Variants in CNTN5 observed in about 807,000 individuals in gnomAD.
CNTN5 encodes the protein contactin 5.
A neutral mutation model predicts 129.1 loss-of-function variants in CNTN5; 77 were observed. The observed-to-expected ratio is 0.60, with a 90% CI of 0.50 to 0.72. CNTN5 has a LOEUF of 0.72. CNTN5 is among the 30% of genes least tolerant of loss of function. CNTN5 has a pLI of 0.00. For synonymous variants in CNTN5, 509 were observed against 465.6 expected (o/e 1.09, Z -1.20); for missense variants, 1,478 against 1,328.8 (o/e 1.11, Z -1.75).
intron 13 of CNTN5, among the ~76,000 whole-genome samples, chr11:100,106,894 C>G: frequency 6.6e-6 from 1 of 152,068 alleles, no homozygotes. Flanking sequence ...TTTAGAAGCA[C>G]CTGGTATTCA....
chr11:99,305,616 T>C (rs559858829), intron 1 of CNTN5, among the ~76,000 whole-genome samples: 7 of 152,230 alleles, frequency 4.6e-5, no homozygotes, highest in African/African-American at 1.7e-4. Context: ...GCAATGTTAG[T>C]GCTAGTCAGA....
At chr11:99,130,769 C>G (rs576969072) in intron 1 of CNTN5, among the ~76,000 whole-genome samples, 1 of 152,140 alleles carries the variant, frequency 6.6e-6, no homozygotes, top group Non-Finnish European at 1.5e-5. Context: ...GTCCATCAGA[C>G]CACAGCACAA....
intron 9 of CNTN5, among the ~76,000 whole-genome samples, chr11:100,030,515 A>G (rs987317794): frequency 6.6e-6 from 1 of 152,232 alleles, no homozygotes; most frequent in Non-Finnish European, 1.5e-5. Flanking sequence ...GCTGTGCCAT[A>G]GATATGCACA....
chr11:100,026,888 A>G (rs1005770620), intron 9 of CNTN5, among the ~76,000 whole-genome samples: 3 of 152,082 alleles, frequency 2.0e-5, no homozygotes, highest in African/African-American at 7.2e-5. Context: ...AATGAAGTCC[A>G]ACATATCAAT....
At chr11:100,233,953 A>G in intron 16 of CNTN5, among the ~76,000 whole-genome samples, 1 of 152,106 alleles carries the variant, frequency 6.6e-6, no homozygotes, top group Non-Finnish European at 1.5e-5. Flanking sequence ...AAACAAATTT[A>G]CAAGAAAAAA....
chr11:100,007,625 A>T (rs1055914335), intron 9 of CNTN5, among the ~76,000 whole-genome samples: 54 of 152,152 alleles, frequency 3.5e-4, no homozygotes, highest in African/African-American at 1.2e-3. Context: ...AATTGAAGAC[A>T]TTTAGGGCCT....
At chr11:99,692,205 C>T (rs1285985891) in intron 3 of CNTN5, among the ~76,000 whole-genome samples, 1 of 152,118 alleles carries the variant, frequency 6.6e-6, no homozygotes. Context: ...ACGTGCCACT[C>T]TGTGTCTTTT....
chr11:99,106,246 T>C (rs1194507747), intron 1 of CNTN5, among the ~76,000 whole-genome samples: 1 of 151,980 alleles, frequency 6.6e-6, no homozygotes, highest in African/African-American at 2.4e-5. Context: ...ATGGGAAATA[T>C]GCAGAAAAAT....
At chr11:99,669,394 A>G (rs926906966) in intron 3 of CNTN5, among the ~76,000 whole-genome samples, 5 of 151,960 alleles carry the variant, frequency 3.3e-5, no homozygotes, top group African/African-American at 1.2e-4. Context: ...CTAAATAGGA[A>G]AGCCTAGATG....
intron 2 of CNTN5, among the ~76,000 whole-genome samples, chr11:99,397,062 C>T (rs1941563703): frequency 6.6e-6 from 1 of 151,730 alleles, no homozygotes; most frequent in Admixed American, 6.6e-5. Flanking sequence ...AACATTTAAC[C>T]TCAGAACTCT....
chr11:99,223,065 G>A (rs1860482968), intron 1 of CNTN5, among the ~76,000 whole-genome samples: 1 of 152,122 alleles, frequency 6.6e-6, no homozygotes, highest in African/African-American at 2.4e-5. Context: ...GAATCTACTA[G>A]CAAATCAGAT....
At chr11:99,887,245 A>C (rs182019603) in intron 6 of CNTN5, among the ~76,000 whole-genome samples, 5 of 152,312 alleles carry the variant, frequency 3.3e-5, no homozygotes, top group Admixed American at 3.3e-4. Flanking sequence ...CGTGGTTTTG[A>C]CCAATGATGT....
At chr11:99,455,618 A>C (rs952872784) in intron 2 of CNTN5, among the ~76,000 whole-genome samples, 1 of 152,120 alleles carries the variant, frequency 6.6e-6, no homozygotes, top group African/African-American at 2.4e-5. Flanking sequence ...AGGCCACCAA[A>C]TTCAATACTG....
At chr11:99,830,633 A>T (rs752677850) in intron 4 of CNTN5, among the ~76,000 whole-genome samples, 4 of 152,208 alleles carry the variant, frequency 2.6e-5, no homozygotes, top group Non-Finnish European at 5.9e-5. Flanking sequence ...TCTAAATAAA[A>T]TACATCATGT....
intron 3 of CNTN5, among the ~76,000 whole-genome samples, chr11:99,596,754 T>A (rs1950138906): frequency 6.6e-6 from 1 of 152,160 alleles, no homozygotes. Context: ...TGAAGTTGAA[T>A]GAAATATAAA....
At chr11:99,970,437 GTTTAA>G (rs373747101) in intron 8 of CNTN5, among the ~76,000 whole-genome samples, 5 of 152,280 alleles carry the variant, frequency 3.3e-5, no homozygotes, top group Non-Finnish European at 7.4e-5. Context: ...ACAAACTTGA[GTTTAA>G]TTTATTATCT....
intron 2 of CNTN5, among the ~76,000 whole-genome samples, chr11:99,391,578 T>C (rs1941262531): frequency 1.3e-5 from 2 of 152,102 alleles, no homozygotes; most frequent in African/African-American, 4.8e-5. Context: ...GTATTGAAGT[T>C]GATGCTCAGA....
At chr11:100,274,413 A>C (rs1950464585) in intron 18 of CNTN5, among the ~76,000 whole-genome samples, 1 of 152,228 alleles carries the variant, frequency 6.6e-6, no homozygotes. Flanking sequence ...AGTGAAAGAA[A>C]CTGTCAACAG....
chr11:100,260,607 C>T (rs1449511946), intron 17 of CNTN5, among the ~76,000 whole-genome samples: 1 of 152,162 alleles, frequency 6.6e-6, no homozygotes, highest in Admixed American at 6.6e-5. Context: ...ATGATCAAGT[C>T]AGCTTCATCC....
Sources: gnomAD v4.1 joint callset for allele counts (sites outside exome capture counted in the v4.1 genomes callset) on GRCh38, gnomAD v4.1.1 for gene constraint, MANE v1.5 for transcripts, NCBI Gene and HGNC (gene_info 2026-07-23, HGNC 2026-07-21) for gene names.